APOBEC3A: variants seen among roughly 807,000 people sequenced by gnomAD.
APOBEC3A encodes the protein DNA dC->dU-editing enzyme APOBEC-3A.
A neutral mutation model predicts 23.0 loss-of-function variants in APOBEC3A; 13 were observed. The observed-to-expected ratio is 0.57, with a 90% CI of 0.37 to 0.90. The LOEUF is 0.90. Among genes scored for constraint, APOBEC3A ranks in the 40% least tolerant of loss-of-function variants. The pLI, the probability that APOBEC3A is intolerant of heterozygous loss-of-function variation, is 0.01. For missense variants in APOBEC3A, 179 were observed against 264.9 expected, an observed-to-expected ratio of 0.68 and a Z score of 2.25; for synonymous variants, 74 against 101.3, an observed-to-expected ratio of 0.73 and a Z score of 1.62.
chr22:38,959,557 A>G lies in APOBEC3A; in HGVS notation c.45A>G (p.Pro15=), dbSNP rs916879710. Residue 15 remains proline, a synonymous_variant, in exon 2 of 5, where the codon CCA becomes CCG. Transcript: ENST00000249116. The part of the protein sequence containing the change: ...PASGPRHLMD[P]HIFTSNFNNG... Reference sequence around the variant, plus strand: ...CTGTCCACAGACACTTGATGGATCCACACATATTCACTTCCAACTTTAACA... The same window carrying G: ...CTGTCCACAGACACTTGATGGATCCGCACATATTCACTTCCAACTTTAACA... 2.5e-6 allele frequency: 4 copies of G among 1,613,936 alleles called. No homozygotes were observed. The highest frequency in any genetic ancestry group is 3.4e-6 in the Non-Finnish European group (4 of 1,179,972).
At position 38,962,646 on chromosome 22, in the gene APOBEC3A, C is replaced by G; in HGVS notation, c.*137C>G. On this transcript the variant is annotated 3_prime_UTR_variant, in exon 5 of 5. Coordinates refer to ENST00000249116, the MANE Select transcript of APOBEC3A (RefSeq NM_145699.4). ...CAGACGCCAGCAAAGCAGTATGCTC[C>G]CGATCAAGTAGATTTTTAAAAAATC... is the stretch of plus-strand genomic sequence containing the variant. 6.4e-7 allele frequency: 1 copy of G among 1,563,914 alleles called. No individual in the cohort carries two copies. The highest frequency in any genetic ancestry group is 8.7e-7 in the Non-Finnish European group (1 of 1,156,022).
At chr22:38,958,301 C>T (rs996703191) in intron 1 of APOBEC3A, among the ~76,000 whole-genome samples, 2 of 151,466 alleles carry the variant, frequency 1.3e-5, no homozygotes, top group African/African-American at 4.9e-5. Flanking sequence ...CTCCTTCCTT[C>T]CTTCCTTCCT....
rs762323222 is a variant in APOBEC3A, at chr22:38,961,358, A to G, written c.175-29A>G. The G allele has an allele frequency of 1.8e-4, 178 of 971,358 alleles. 9 individuals carry two copies. Among genetic ancestry groups the G allele is most frequent in the Middle Eastern group, 1.7e-3 (5 of 3,018 alleles). 60.2% of individuals were successfully genotyped at this position (971,358 alleles called of 1,614,324 possible). A position where few individuals can be genotyped will look rare whatever the true frequency, so the allele number is the denominator to read the frequency against. On this transcript the variant is annotated intron_variant, in intron 2 of 4. Coordinates refer to ENST00000249116, the MANE Select transcript of APOBEC3A (RefSeq NM_145699.4). Reference sequence around the variant, plus strand: ...GGCGCTCCCTCCCTGTTCACCACACATCACCTCACACTCTGTTTCCTTTTC... The same window carrying G: ...GGCGCTCCCTCCCTGTTCACCACACGTCACCTCACACTCTGTTTCCTTTTC...
rs568404063 is a variant in APOBEC3A at position 38,962,516 on chromosome 22, G to A, written c.*7G>A. 6.3e-7 allele frequency: 1 copy of A among 1,589,362 alleles called. No homozygotes were observed. The highest frequency in any genetic ancestry group is 8.6e-7 in the Non-Finnish European group (1 of 1,167,778). On this transcript the variant is annotated 3_prime_UTR_variant, in exon 5 of 5. Transcript: ENST00000249116. ...CCAGAATCAGGGAAACTGAAGGATG[G>A]GCCTCAGTCTCTAAGGAAGGCAGAG...
At chr22:38,962,069 C>G in intron 3 of APOBEC3A, 29 bp from the exon 4 acceptor site, 1 of 1,592,854 alleles carries the variant, frequency 6.3e-7, no homozygotes, top group Non-Finnish European at 8.6e-7. Context: ...ACAGCGGGAG[C>G]GTGACTTATC....
chr22:38,958,377 C>CT (rs914337517), intron 1 of APOBEC3A, among the ~76,000 whole-genome samples: 38 of 122,778 alleles, frequency 3.1e-4, no homozygotes, highest in African/African-American at 1.2e-3. Flanking sequence ...ATTTCTTTTT[C>CT]TTCTTTCTCT....
chr22:38,961,443 C>G lies in APOBEC3A; in HGVS notation c.231C>G (p.Asp77Glu). ...GCCATGCGGAGCTGCGCTTCTTGGA[C>G]CTGGTTCCTTCTTTGCAGTTGGACC... Reference protein sequence around the residue: ...YGRHAELRFLDLVPSLQLDPA... With the variant: ...YGRHAELRFLELVPSLQLDPA... Residue 77 changes from aspartate (D) to glutamate (E), a missense_variant, in exon 3 of 5, where the codon GAC (aspartate) becomes GAG (glutamate). By Grantham distance (45) the Asp-to-Glu change is conservative. Around this residue, in one of 5 missense-constraint regions of APOBEC3A, gnomAD observed 10 missense variants for 64.3 expected, o/e 0.16. Transcript: ENST00000249116. 1 of 1,379,430 alleles carries G rather than the reference C, an allele frequency of 7.2e-7. No homozygotes were observed. The allele number at this position is 1,379,430 out of a possible 1,614,324, so 85.4% of individuals were successfully genotyped here.
Position 38,962,736 on chromosome 22 carries a change from A to G in APOBEC3A, c.*227A>G. ...GCACTTTGGAGGCCAAGGCGGGTGG[A>G]TCACGAGGTCAGGAGATCGAGACCA... is the stretch of plus-strand genomic sequence containing the variant. On this transcript the variant is annotated 3_prime_UTR_variant, in exon 5 of 5. Transcript: ENST00000249116. 2 of 1,128,138 alleles carry G rather than the reference A, an allele frequency of 1.8e-6. 1 individual carries two copies. The highest frequency in any genetic ancestry group is 2.4e-6 in the Non-Finnish European group (2 of 820,420). The allele number at this position is 1,128,138 out of a possible 1,614,324, so 69.9% of individuals were successfully genotyped here. A position where few individuals can be genotyped will look rare whatever the true frequency, so the allele number is the denominator to read the frequency against.
intron 1 of APOBEC3A, among the ~76,000 whole-genome samples, chr22:38,958,807 CTT>C (rs1290273106): frequency 1.4e-5 from 2 of 143,072 alleles, no homozygotes; most frequent in African/African-American, 5.3e-5. Flanking sequence ...TTCCTTCCTT[CTT>C]TCTCTTTCCT....
chr22:38,958,769 C>CTTTTTCTT (rs59598207), intron 1 of APOBEC3A, among the ~76,000 whole-genome samples: 17,075 of 109,398 alleles, frequency 0.16, 1,796 homozygotes, highest in Non-Finnish European at 0.18. Flanking sequence ...ATCTCTCTTT[C>CTTTTTCTT]TCTTTCTTTC....
intron 2 of APOBEC3A, 71 bp downstream of exon 2, chr22:38,959,757 C>T (rs889930715): frequency 2.5e-5 from 39 of 1,555,256 alleles, no homozygotes; most frequent in South Asian, 2.2e-4. Flanking sequence ...TAGAAGGTTC[C>T]GGATTGTACT....
Position 38,962,766 on chromosome 22 carries a change from G to A in APOBEC3A, c.*257G>A. On this transcript the variant is annotated 3_prime_UTR_variant, in exon 5 of 5. Coordinates refer to ENST00000249116, the MANE Select transcript of APOBEC3A (RefSeq NM_145699.4). Reference sequence around the variant, plus strand: ...GAGGTCAGGAGATCGAGACCATCCTGGCTAACACGGTGAAACCCTGTCTCT... The same window carrying A: ...GAGGTCAGGAGATCGAGACCATCCTAGCTAACACGGTGAAACCCTGTCTCT... The A allele has an allele frequency of 3.4e-6, 3 of 876,390 alleles. No individual in the cohort carries two copies. Among genetic ancestry groups the A allele is most frequent in the Middle Eastern group, 3.4e-4 (1 of 2,922 alleles). 54.3% of individuals were successfully genotyped at this position (876,390 alleles called of 1,614,324 possible). A position where few individuals can be genotyped will look rare whatever the true frequency, so the allele number is the denominator to read the frequency against.
intron 1 of APOBEC3A, 108 bp from the exon 2 acceptor site, chr22:38,959,434 A>AG: frequency 7.6e-7 from 1 of 1,308,344 alleles, no homozygotes; most frequent in Non-Finnish European, 1.1e-6. Flanking sequence ...TGTGCGGAGC[A>AG]GGGGGAAGGA....
Position 38,959,566 on chromosome 22 carries a change from C to G in APOBEC3A, c.54C>G (p.Phe18Leu), listed in dbSNP as rs145534039. ...GACACTTGATGGATCCACACATATT[C>G]ACTTCCAACTTTAACAATGGCATTG... ...GPRHLMDPHI[F>L]TSNFNNGIGR... Residue 18 changes from phenylalanine to leucine, a missense_variant, in exon 2 of 5, where the codon TTC becomes TTG. Around this residue, in one of 5 missense-constraint regions of APOBEC3A, gnomAD observed 87 missense variants for 74.5 expected, o/e 1.17. Coordinates refer to ENST00000249116, the MANE Select transcript of APOBEC3A (RefSeq NM_145699.4). The G allele has an allele frequency of 6.2e-7, 1 of 1,613,926 alleles. No individual in the cohort carries two copies. The highest frequency in any genetic ancestry group is 1.3e-5 in the African/African-American group (1 of 74,888).
In APOBEC3A at chr22:38,962,192, G is replaced by A. The variant is rs778598921; in HGVS notation, c.564G>A (p.Gly188=). The change falls in exon 4 of 5, where the codon GGG becomes GGA. Residue 188 remains glycine (G), a synonymous_variant. Coordinates refer to ENST00000249116, the MANE Select transcript of APOBEC3A (RefSeq NM_145699.4). The part of the protein sequence containing the change: ...GLDEHSQALS[G]RLRAILQNQG... ...ATGAGCACAGCCAAGCCCTGAGTGG[G>A]AGGCTGCGGGCCATTCTCCAGGTGA... is the stretch of plus-strand genomic sequence containing the variant. The A allele has an allele frequency of 5.0e-6, 8 of 1,613,562 alleles. 1 individual carries two copies. The Admixed American group carries it at 5.0e-5, about 10-fold the overall frequency.
chr22:38,958,316 TTC>T (rs199853737), intron 1 of APOBEC3A, among the ~76,000 whole-genome samples: 1,592 of 150,384 alleles, frequency 0.011, 41 homozygotes, highest in African/African-American at 0.036. Flanking sequence ...CTTCCTTCAA[TTC>T]TCTCTCTCTT....
rs533198155 is a variant in APOBEC3A, at chr22:38,960,704, C to T, written c.175-683C>T. On this transcript the variant is annotated intron_variant, in intron 2 of 4. Coordinates refer to ENST00000249116, the MANE Select transcript of APOBEC3A (RefSeq NM_145699.4). ...TACTTTTGGTGGAATTCATTTTGGC[C>T]TAAGTCTATATCACATTTGGGCTCA... 2.0e-5 allele frequency among the ~76,000 whole-genome samples: 3 copies of T among 152,290 alleles called. No homozygotes were observed. The South Asian group carries it at 6.2e-4, about 32-fold the overall frequency.
intron 1 of APOBEC3A, 102 bp from the exon 2 acceptor site, chr22:38,959,440 A>G: frequency 4.4e-6 from 6 of 1,376,992 alleles, no homozygotes; most frequent in Non-Finnish European, 5.0e-6. Flanking sequence ...GAGCAGGGGG[A>G]AGGAGGGTGG....
At chr22:38,961,951 G>A in intron 3 of APOBEC3A, 147 bp from the exon 4 acceptor site, 2 of 1,219,672 alleles carry the variant, frequency 1.6e-6, no homozygotes, top group East Asian at 2.6e-5. Flanking sequence ...GGAACTGCCT[G>A]ATGAAGGAGC....
Sources: allele counts gnomAD v4.1 joint callset (sites outside exome capture counted in the v4.1 genomes callset), GRCh38; gene constraint gnomAD v4.1.1; regional missense constraint gnomAD v4.1.1; transcripts MANE v1.5; gene names NCBI Gene and HGNC (gene_info 2026-07-23, HGNC 2026-07-21).